The following ALDH1L2 variants were observed in gnomAD, a reference collection of about 807,000 sequenced individuals.
The protein encoded by ALDH1L2 is aldehyde dehydrogenase 1 family member L2.
ALDH1L2 carries 91 observed loss-of-function variants against 111.0 expected under a neutral mutation model. The observed-to-expected ratio is 0.82, with a 90% confidence interval of 0.69 to 0.98. The LOEUF (loss-of-function observed/expected upper bound fraction) is 0.98. Ranked by LOEUF, ALDH1L2 falls within the 50% of genes least tolerant of loss-of-function variation. ALDH1L2 has a pLI of 0.00. For synonymous variants in ALDH1L2, 374 were observed against 392.6 expected (o/e 0.95, Z 0.56); for missense variants, 995 against 1,126.8 (o/e 0.88, Z 1.67).
In ALDH1L2 at chr12:105,024,088, G is replaced by A. The variant is rs1051435394; in HGVS notation, c.*336C>T. On this transcript the variant is annotated 3_prime_UTR_variant, in exon 23 of 23. Transcript: ENST00000258494. ...ATATTATACAAAGTTTCCAATAAAT[G>A]CACCTTGTGTATTATAACTGCATGG... 2 of 335,890 alleles carry A rather than the reference G, an allele frequency of 6.0e-6. No individual in the cohort carries two copies. The highest frequency in any genetic ancestry group is 4.4e-5 in the Admixed American group (1 of 22,658). The allele number at this position is 335,890 out of a possible 1,614,324, so 20.8% of individuals were successfully genotyped here. A position where few individuals can be genotyped will look rare whatever the true frequency, so the allele number is the denominator to read the frequency against.
intron 6 of ALDH1L2, among the ~76,000 whole-genome samples, chr12:105,065,041 C>T (rs1877261724): frequency 1.3e-5 from 2 of 152,102 alleles, no homozygotes; most frequent in Non-Finnish European, 2.9e-5. Flanking sequence ...AATGTTTATT[C>T]ACTTCTCTGC....
Position 105,020,337 on chromosome 12 carries a change from C to T in ALDH1L2, c.*4087G>A, listed in dbSNP as rs1874102345. ...CTTAATATGTGCCCACAGCTCACTA[C>T]CTAGGCCCTGATTTAGGCATTAGGA... On this transcript the variant is annotated 3_prime_UTR_variant, in exon 23 of 23. Coordinates refer to ENST00000258494, the MANE Select transcript of ALDH1L2 (RefSeq NM_001034173.4). 6.6e-6 allele frequency: 1 copy of T among 152,150 alleles called. No individual in the cohort carries two copies. Among genetic ancestry groups the T allele is most frequent in the African/African-American group, 2.4e-5 (1 of 41,420 alleles). The allele number at this position is 152,150 out of a possible 1,614,324, so 9.4% of individuals were successfully genotyped here.
At chr12:105,037,027 A>G (rs1387740227) in intron 18 of ALDH1L2, among the ~76,000 whole-genome samples, 1 of 152,122 alleles carries the variant, frequency 6.6e-6, no homozygotes, top group Non-Finnish European at 1.5e-5. Context: ...GTGAGTGTTC[A>G]TTATAATTAC....
chr12:105,078,652 T>C (rs542927176), intron 1 of ALDH1L2, among the ~76,000 whole-genome samples: 1 of 152,104 alleles, frequency 6.6e-6, no homozygotes, highest in East Asian at 1.9e-4. Flanking sequence ...ACCCTTACAC[T>C]AAAGATAAAA....
At chr12:105,034,719 C>A (rs11112320) in intron 18 of ALDH1L2, among the ~76,000 whole-genome samples, 34,049 of 152,108 alleles carry the variant, frequency 0.22, 4,742 homozygotes, top group South Asian at 0.45. Flanking sequence ...GGCGTGGTGG[C>A]TCACGCTTGT....
At position 105,020,413 on chromosome 12, in the gene ALDH1L2, C is replaced by T. The variant is rs1490074368; in HGVS notation, c.*4011G>A. ...AACCACCAGATGCATTGCTTGAAAA[C>T]CTGTTCTGCCACTTAATAGCTGTGT... is the stretch of plus-strand genomic sequence containing the variant. On this transcript the variant is annotated 3_prime_UTR_variant, in exon 23 of 23. Coordinates refer to ENST00000258494, the MANE Select transcript of ALDH1L2 (RefSeq NM_001034173.4). 1 of 152,176 alleles carries T rather than the reference C, an allele frequency of 6.6e-6. No homozygotes were observed. The highest frequency in any genetic ancestry group is 1.5e-5 in the Non-Finnish European group (1 of 68,056). The allele number at this position is 152,176 out of a possible 1,614,324, so 9.4% of individuals were successfully genotyped here.
chr12:105,038,258 T>TCACACACA, intron 17 of ALDH1L2, 56 bp from the exon 18 acceptor site: 3 of 707,696 alleles, frequency 4.2e-6, no homozygotes, highest in South Asian at 1.7e-5. Context: ...TCTCTCTCTC[T>TCACACACA]CTCACACACA....
At chr12:105,055,527 G>T (rs1391692995) in intron 10 of ALDH1L2, among the ~76,000 whole-genome samples, 1 of 152,032 alleles carries the variant, frequency 6.6e-6, no homozygotes, top group East Asian at 1.9e-4. Flanking sequence ...TACAAGACGT[G>T]CAGAGAAACA....
chr12:105,059,654 T>C (rs1876867585), intron 9 of ALDH1L2, among the ~76,000 whole-genome samples: 1 of 152,210 alleles, frequency 6.6e-6, no homozygotes, highest in Non-Finnish European at 1.5e-5. Context: ...ATTTCTGGAA[T>C]AAAACCTCCA....
At chr12:105,024,517 AG>A (rs762151396) in intron 22 of ALDH1L2, 38 bp from the exon 23 acceptor site, 1 of 1,595,928 alleles carries the variant, frequency 6.3e-7, no homozygotes, top group South Asian at 1.1e-5. Flanking sequence ...CCACATTCAG[AG>A]GCAGACATGT....
chr12:105,023,851 C>T lies in ALDH1L2; in HGVS notation c.*573G>A, dbSNP rs191669711. ...CAGAACATAATATAGTACCTGGTAC[C>T]TAGTAGGTACTCAAGATAATGTTTC... On this transcript the variant is annotated 3_prime_UTR_variant, in exon 23 of 23. Transcript: ENST00000258494. 298 of 153,268 alleles carry T rather than the reference C, an allele frequency of 1.9e-3. 2 individuals carry two copies. The highest frequency in any genetic ancestry group is 6.7e-3 in the African/African-American group (280 of 41,538). 9.5% of individuals were successfully genotyped at this position (153,268 alleles called of 1,614,324 possible). A position where few individuals can be genotyped will look rare whatever the true frequency, so the allele number is the denominator to read the frequency against.
intron 20 of ALDH1L2, 117 bp downstream of exon 20, chr12:105,031,652 C>A (rs1014998656): frequency 2.8e-6 from 4 of 1,434,958 alleles, no homozygotes; most frequent in Non-Finnish European, 3.7e-6. Context: ...CCACACTGGG[C>A]TAATTTTTGG....
chr12:105,078,608 A>G (rs1878188110), intron 1 of ALDH1L2, among the ~76,000 whole-genome samples: 1 of 152,150 alleles, frequency 6.6e-6, no homozygotes, highest in Admixed American at 6.5e-5. Flanking sequence ...CATTTGCTTT[A>G]CCTGTTTGGC....
At chr12:105,047,519 G>T in intron 13 of ALDH1L2, 1 of 155,108 alleles carries the variant, frequency 6.4e-6, no homozygotes, top group East Asian at 1.9e-4. Flanking sequence ...TCAGGGTGGA[G>T]GTCACATGGC....
chr12:105,067,947 T>C (rs1247263388), intron 4 of ALDH1L2, among the ~76,000 whole-genome samples: 1 of 152,196 alleles, frequency 6.6e-6, no homozygotes, highest in Non-Finnish European at 1.5e-5. Flanking sequence ...GGTGGTATTA[T>C]CCATGCTGTA....
At chr12:105,050,343 T>C in intron 12 of ALDH1L2, 1 of 218,168 alleles carries the variant, frequency 4.6e-6, no homozygotes, top group Non-Finnish European at 9.0e-6. Flanking sequence ...GTACCAGTCA[T>C]TGGAACCACA....
At chr12:105,060,867 A>G in intron 9 of ALDH1L2, 114 bp downstream of exon 9, 3 of 679,710 alleles carry the variant, frequency 4.4e-6, no homozygotes, top group East Asian at 3.1e-5. Flanking sequence ...ATAGATAGGT[A>G]TGATAAGGTA....
chr12:105,073,956 A>G lies in ALDH1L2; in HGVS notation c.98T>C (p.Phe33Ser), dbSNP rs528897443. 1 of 1,614,188 alleles carries G rather than the reference A, an allele frequency of 6.2e-7. No homozygotes were observed. The highest frequency in any genetic ancestry group is 1.3e-5 in the African/African-American group (1 of 75,050). Residue 33 changes from phenylalanine to serine, a missense_variant, in exon 2 of 23, where the codon TTT (phenylalanine) becomes TCT (serine). By Grantham distance (155) the Phe-to-Ser change is radical. Coordinates refer to ENST00000258494, the MANE Select transcript of ALDH1L2 (RefSeq NM_001034173.4). ...GAGGTGGCTATAGACTTCTTGTCCA[A>G]AGAGGCTCTGGCCAATTAGTGCCAA... ...LKLALIGQSL[F>S]GQEVYSHLRK...
At chr12:105,061,828 C>G (rs1877020740) in intron 7 of ALDH1L2, 76 bp from the exon 8 acceptor site, 1 of 1,565,120 alleles carries the variant, frequency 6.4e-7, no homozygotes, top group Non-Finnish European at 8.7e-7. Flanking sequence ...GGGAGGAGTC[C>G]TATAGATTAT....
Sources: allele counts gnomAD v4.1 joint callset (sites outside exome capture counted in the v4.1 genomes callset), GRCh38; gene constraint gnomAD v4.1.1; transcripts MANE v1.5; gene names NCBI Gene and HGNC (gene_info 2026-07-23, HGNC 2026-07-21).